KIF26B: variants seen among roughly 807,000 people sequenced by gnomAD.
KIF26B encodes the protein kinesin family member 26B.
A neutral mutation model predicts 151.2 loss-of-function variants in KIF26B; 63 were observed. The observed-to-expected ratio is 0.42, with a 90% CI of 0.34 to 0.51. The LOEUF (loss-of-function observed/expected upper bound fraction) is 0.51. Ranked by LOEUF, KIF26B falls within the 20% of genes least tolerant of loss-of-function variation. The pLI is 0.07. For synonymous variants in KIF26B, 1,357 were observed against 1,262.1 expected (o/e 1.08, Z -1.59); for missense variants, 2,813 against 2,913.6 (o/e 0.97, Z 0.79).
chr1:245,364,408 C>T (rs1016728855), intron 2 of KIF26B, among the ~76,000 whole-genome samples: 1 of 149,004 alleles, frequency 6.7e-6, no homozygotes, highest in Admixed American at 6.6e-5. Flanking sequence ...TGACTTCTCA[C>T]CCTCTCTCTC....
chr1:245,279,527 T>C (rs1054868118), intron 2 of KIF26B, among the ~76,000 whole-genome samples: 1 of 152,036 alleles, frequency 6.6e-6, no homozygotes, highest in African/African-American at 2.4e-5. Flanking sequence ...CAAGCTGGTC[T>C]TCAACTCCTG....
At chr1:245,372,287 C>T (rs377538066) in intron 3 of KIF26B, among the ~76,000 whole-genome samples, 31 of 152,270 alleles carry the variant, frequency 2.0e-4, no homozygotes, top group African/African-American at 5.1e-4. Flanking sequence ...CCCATCTCCG[C>T]GCCCTATTTG....
chr1:245,589,465 A>C lies in KIF26B; in HGVS notation c.1351-13112A>C, dbSNP rs536717445. ...TGCTGTCACCCCTAGCTCCTTCTGCAGGTCTCCTCCGTACGTGCCACTGCC... is the reference window on the plus strand; with the variant it reads ...TGCTGTCACCCCTAGCTCCTTCTGCCGGTCTCCTCCGTACGTGCCACTGCC... On this transcript the variant is annotated intron_variant, in intron 5 of 14. Transcript: ENST00000407071. 1.2e-4 allele frequency among the ~76,000 whole-genome samples: 18 copies of C among 152,326 alleles called. No homozygotes were observed. In the South Asian group the frequency reaches 3.7e-3, roughly 32 times the overall value.
intron 3 of KIF26B, among the ~76,000 whole-genome samples, chr1:245,372,374 C>T (rs147642376): frequency 1.3e-3 from 192 of 152,220 alleles, no homozygotes; most frequent in African/African-American, 4.4e-3. Context: ...TTTCTTCCAA[C>T]TTTTATTTCT....
chr1:245,354,906 TTTTTA>T (rs1171902215), intron 2 of KIF26B, among the ~76,000 whole-genome samples: 1 of 152,122 alleles, frequency 6.6e-6, no homozygotes, highest in Non-Finnish European at 1.5e-5. Flanking sequence ...GACTGGATGA[TTTTTA>T]TTTTATTTTA....
intron 2 of KIF26B, among the ~76,000 whole-genome samples, chr1:245,307,348 T>C (rs1036541461): frequency 1.4e-4 from 22 of 152,168 alleles, no homozygotes; most frequent in African/African-American, 4.8e-4. Context: ...TGTGATCTGG[T>C]AAATAAATTA....
chr1:245,396,086 C>T (rs1012846046), intron 3 of KIF26B, among the ~76,000 whole-genome samples: 3 of 152,100 alleles, frequency 2.0e-5, no homozygotes, highest in African/African-American at 7.2e-5. Context: ...AGGCTTGTGA[C>T]GTCTTTGCTT....
At chr1:245,629,689 G>T (rs112988937) in intron 9 of KIF26B, among the ~76,000 whole-genome samples, 1 of 152,136 alleles carries the variant, frequency 6.6e-6, no homozygotes, top group African/African-American at 2.4e-5. Context: ...CAGAGGCAAA[G>T]ACTTCATGAA....
At position 245,239,281 on chromosome 1, in the gene KIF26B, G is replaced by A. The variant is rs529391938; in HGVS notation, c.465+82598G>A. Among the ~76,000 whole-genome samples the A allele has an allele frequency of 3.3e-4, 50 of 152,254 alleles. 1 individual carries two copies. In the South Asian group the frequency reaches 8.9e-3, roughly 27 times the overall value. ...AGAAAATGATGATGTTGCACAAGGC[G>A]AAGAAGCAGATATTGACATGAGGCC... On this transcript the variant is annotated intron_variant, in intron 2 of 14. Coordinates refer to ENST00000407071, the MANE Select transcript of KIF26B (RefSeq NM_018012.4). The surrounding 1 kb of genome is among the most constrained non-coding windows in gnomAD (Gnocchi z 4.3).
rs79628181 is a variant in KIF26B at position 245,411,016 on chromosome 1, A to C, written c.1000-8563A>C. ...TAAATAAAAACTCTTTTGATGAGAT[A>C]GGTCAGAGAAAATCCATTTTATTGC... On this transcript the variant is annotated intron_variant, in intron 3 of 14. Transcript: ENST00000407071. Among the ~76,000 whole-genome samples the C allele has an allele frequency of 8.3e-3, 1,267 of 152,374 alleles. 16 individuals carry two copies. The highest frequency in any genetic ancestry group is 0.029 in the African/African-American group (1,186 of 41,584).
chr1:245,680,547 C>T (rs1160773553), intron 10 of KIF26B, among the ~76,000 whole-genome samples: 6 of 151,862 alleles, frequency 4.0e-5, no homozygotes, highest in African/African-American at 9.7e-5. Context: ...GCAGGCAGTT[C>T]GCTATCACGA....
intron 4 of KIF26B, among the ~76,000 whole-genome samples, chr1:245,527,743 C>A (rs1487560990): frequency 6.6e-6 from 1 of 151,662 alleles, no homozygotes; most frequent in Non-Finnish European, 1.5e-5. Context: ...CCGCATTAGC[C>A]AGGATGGTCT....
chr1:245,267,710 A>AGAATTCCAAGTGAGTTAC (rs1670774230), intron 2 of KIF26B, among the ~76,000 whole-genome samples: 1 of 151,920 alleles, frequency 6.6e-6, no homozygotes, highest in African/African-American at 2.4e-5. Context: ...TAAAGAAGCA[A>AGAATTCCAAGTGAGTTAC]GAATTCCAAG....
intron 5 of KIF26B, among the ~76,000 whole-genome samples, chr1:245,585,234 C>T (rs528933979): frequency 6.6e-6 from 1 of 152,296 alleles, no homozygotes; most frequent in African/African-American, 2.4e-5. Context: ...AACTATGCAC[C>T]GTTCTTGGTA....
Position 245,529,716 on chromosome 1 carries a change from C to T in KIF26B, c.1167-11051C>T, listed in dbSNP as rs964113587. 2.6e-5 allele frequency among the ~76,000 whole-genome samples: 4 copies of T among 152,112 alleles called. No individual in the cohort carries two copies. The South Asian group carries it at 6.2e-4, about 24-fold the overall frequency. ...GCTTTTATTTAAAAATTGGTTTATA[C>T]TATCGAAAGGAAACATTGAGGAAAC... On this transcript the variant is annotated intron_variant, in intron 4 of 14. Transcript: ENST00000407071.
intron 9 of KIF26B, among the ~76,000 whole-genome samples, chr1:245,620,408 T>A (rs1296403840): frequency 7.6e-5 from 7 of 91,796 alleles, no homozygotes; most frequent in South Asian, 7.2e-4. Flanking sequence ...TAAAAAAAAT[T>A]TTTTTTTTTG....
intron 2 of KIF26B, among the ~76,000 whole-genome samples, chr1:245,333,384 C>T (rs1473627774): frequency 1.3e-5 from 2 of 152,164 alleles, no homozygotes; most frequent in African/African-American, 2.4e-5. Context: ...AGGTGAGGCA[C>T]CTAGAGCAGT....
intron 4 of KIF26B, among the ~76,000 whole-genome samples, chr1:245,447,291 T>C (rs933189573): frequency 6.6e-6 from 1 of 152,200 alleles, no homozygotes; most frequent in Non-Finnish European, 1.5e-5. Context: ...GTCTTAATGT[T>C]CTAATTCAAT....
At position 245,686,628 on chromosome 1, in the gene KIF26B, C is replaced by A; in HGVS notation, c.3645C>A (p.Ser1215Arg). The part of the protein sequence containing the change: ...GRPTSIISFN[S>R]DCSARALASG... ...CCACCAGCATCATCAGCTTCAACAG[C>A]GACTGCTCTGCACGGGCCCTGGCCT... Residue 1215 changes from serine to arginine, a missense_variant, in exon 12 of 15, where the codon AGC (serine) becomes AGA (arginine). Around this residue, in one of 3 missense-constraint regions of KIF26B, gnomAD observed 2,060 missense variants for 2,088.6 expected, o/e 0.99. Coordinates refer to ENST00000407071, the MANE Select transcript of KIF26B (RefSeq NM_018012.4). The surrounding 1 kb of genome is among the most constrained non-coding windows in gnomAD (Gnocchi z 5.6). 1 of 1,610,896 alleles carries A rather than the reference C, an allele frequency of 6.2e-7. No individual in the cohort carries two copies. Among genetic ancestry groups the A allele is most frequent in the South Asian group, 1.1e-5 (1 of 90,668 alleles).
Sources: allele counts gnomAD v4.1 joint callset (sites outside exome capture counted in the v4.1 genomes callset), GRCh38; gene constraint gnomAD v4.1.1; regional missense constraint gnomAD v4.1.1; non-coding constraint Gnocchi (gnomAD v3.1); transcripts MANE v1.5; gene names NCBI Gene and HGNC (gene_info 2026-07-23, HGNC 2026-07-21).